Variants in STX18 observed in about 807,000 individuals in gnomAD.
The protein encoded by STX18 is syntaxin 18, also known as syntaxin-18.
Under a neutral mutation model 50.1 loss-of-function variants are expected in STX18, and 40 were observed. The observed-to-expected ratio is 0.80, with a 90% CI of 0.62 to 1.04. The LOEUF is 1.04. Ranked by LOEUF, STX18 falls within the 50% of genes least tolerant of loss-of-function variation. The probability of loss-of-function intolerance (pLI) is 0.00; values close to 1 mark genes in which losing one functional copy is unlikely to be tolerated. For synonymous variants in STX18, 158 were observed against 151.8 expected (o/e 1.04, Z -0.30); for missense variants, 410 against 415.8 (o/e 0.99, Z 0.12).
At chr4:4,474,565 G>T in intron 1 of STX18, among the ~76,000 whole-genome samples, 1 of 152,220 alleles carries the variant, frequency 6.6e-6, no homozygotes. Flanking sequence ...AGTTAAGGTT[G>T]CTGATCAGCT....
intron 1 of STX18, among the ~76,000 whole-genome samples, chr4:4,520,615 A>G (rs1175667004): frequency 6.6e-6 from 1 of 152,224 alleles, no homozygotes; most frequent in East Asian, 1.9e-4. Flanking sequence ...TTTGTATTAT[A>G]AAATACATCG....
At chr4:4,476,847 T>C (rs1577357215) in intron 1 of STX18, among the ~76,000 whole-genome samples, 1 of 151,174 alleles carries the variant, frequency 6.6e-6, no homozygotes, top group East Asian at 1.9e-4. Flanking sequence ...ATATGGGGGG[T>C]TCCTTGTGCT....
chr4:4,420,014 C>T lies in STX18; in HGVS notation c.*20G>A. ...GTGAGTGCCCATGAGGACTCTCGTGCTGGGCCCCCGTGGCCCTGGCTAGCT... is the reference window on the plus strand; with the variant it reads ...GTGAGTGCCCATGAGGACTCTCGTGTTGGGCCCCCGTGGCCCTGGCTAGCT... On this transcript the variant is annotated 3_prime_UTR_variant, in exon 11 of 11. Transcript: ENST00000306200. This position sits in a 1 kb window ranked among gnomAD's most constrained non-coding sequence, Gnocchi z 4.3. 6.3e-7 allele frequency: 1 copy of T among 1,598,196 alleles called. No homozygotes were observed.
At chr4:4,526,695 C>T (rs953498981) in intron 1 of STX18, among the ~76,000 whole-genome samples, 6 of 152,072 alleles carry the variant, frequency 3.9e-5, no homozygotes, top group African/African-American at 9.7e-5. Context: ...TGAAGCCAGG[C>T]ATGGTGGTGT....
chr4:4,530,007 T>C (rs996884660), intron 1 of STX18, among the ~76,000 whole-genome samples: 2 of 152,178 alleles, frequency 1.3e-5, no homozygotes, highest in South Asian at 4.1e-4. Context: ...TTCCTTTAAA[T>C]AGCCCCCACC....
intron 7 of STX18, 94 bp downstream of exon 7, chr4:4,434,676 T>C: frequency 1.0e-6 from 1 of 978,208 alleles, no homozygotes; most frequent in Non-Finnish European, 1.5e-6. Context: ...AGTATAAAAA[T>C]AAGGGCAAGG....
chr4:4,474,633 G>A (rs563882581), intron 1 of STX18, among the ~76,000 whole-genome samples: 4 of 152,264 alleles, frequency 2.6e-5, no homozygotes, highest in South Asian at 2.1e-4. Context: ...CACAAGGGTC[G>A]GTAAATGTGG....
chr4:4,443,856 T>G (rs1223921851), intron 5 of STX18, among the ~76,000 whole-genome samples: 1 of 152,244 alleles, frequency 6.6e-6, no homozygotes, highest in Non-Finnish European at 1.5e-5. Flanking sequence ...ATAAAAACTT[T>G]CAGCAAACTA....
At chr4:4,479,417 C>T (rs555112174) in intron 1 of STX18, among the ~76,000 whole-genome samples, 8 of 152,254 alleles carry the variant, frequency 5.3e-5, no homozygotes, top group Non-Finnish European at 8.8e-5. Flanking sequence ...CACTGCAGGT[C>T]GCATTTACCA....
At chr4:4,461,691 C>T (rs952535227) in intron 2 of STX18, among the ~76,000 whole-genome samples, 2 of 152,248 alleles carry the variant, frequency 1.3e-5, no homozygotes, top group Non-Finnish European at 2.9e-5. Flanking sequence ...GGAGGGAGAA[C>T]TTGATGAGAG....
At chr4:4,455,259 C>T (rs1727004513) in intron 5 of STX18, among the ~76,000 whole-genome samples, 1 of 152,244 alleles carries the variant, frequency 6.6e-6, no homozygotes, top group Non-Finnish European at 1.5e-5. Context: ...AGCAACCCAG[C>T]CTGCTTCTAA....
intron 1 of STX18, among the ~76,000 whole-genome samples, chr4:4,485,492 C>T (rs1188500628): frequency 6.6e-6 from 1 of 152,194 alleles, no homozygotes; most frequent in African/African-American, 2.4e-5. Flanking sequence ...AAAAGACTGC[C>T]ATTTCTTCAG....
At chr4:4,508,686 C>T (rs4689777) in intron 1 of STX18, among the ~76,000 whole-genome samples, 110,982 of 152,128 alleles carry the variant, frequency 0.73, 41,238 homozygotes, top group East Asian at 0.91. Context: ...CCATTAACTA[C>T]TCTTCCTGAT....
At chr4:4,514,405 T>G (rs889317216) in intron 1 of STX18, among the ~76,000 whole-genome samples, 2 of 152,198 alleles carry the variant, frequency 1.3e-5, no homozygotes, top group African/African-American at 2.4e-5. Context: ...GTGAGAAATT[T>G]TAAAAAGTTC....
At chr4:4,469,063 C>T (rs549485347) in intron 2 of STX18, among the ~76,000 whole-genome samples, 2 of 152,154 alleles carry the variant, frequency 1.3e-5, no homozygotes, top group Admixed American at 1.3e-4. Context: ...ATTTATATTC[C>T]CCTTGAGGAA....
chr4:4,529,017 C>A (rs1730948253), intron 1 of STX18, among the ~76,000 whole-genome samples: 1 of 152,140 alleles, frequency 6.6e-6, no homozygotes, highest in Admixed American at 6.5e-5. Flanking sequence ...TAACTAAAAC[C>A]ACAAATCCTT....
intron 5 of STX18, among the ~76,000 whole-genome samples, chr4:4,455,150 C>T (rs538744451): frequency 1.3e-5 from 2 of 152,222 alleles, no homozygotes; most frequent in Non-Finnish European, 2.9e-5. Context: ...AGGCATTATA[C>T]TATGCCACTT....
At chr4:4,528,389 A>T (rs937611355) in intron 1 of STX18, among the ~76,000 whole-genome samples, 1 of 151,978 alleles carries the variant, frequency 6.6e-6, no homozygotes, top group African/African-American at 2.4e-5. Flanking sequence ...AGTTCACACA[A>T]GATCTGCTTG....
At chr4:4,439,427 A>AC (rs1326528752) in intron 5 of STX18, among the ~76,000 whole-genome samples, 28 of 121,080 alleles carry the variant, frequency 2.3e-4, no homozygotes, top group African/African-American at 6.0e-4. Flanking sequence ...ATGTATATAT[A>AC]CCCCCCACAT....
Sources: allele counts gnomAD v4.1 joint callset (sites outside exome capture counted in the v4.1 genomes callset), GRCh38; gene constraint gnomAD v4.1.1; non-coding constraint Gnocchi (gnomAD v3.1); transcripts MANE v1.5; gene names NCBI Gene and HGNC (gene_info 2026-07-23, HGNC 2026-07-21).